The following SLAIN1 variants were observed in gnomAD, a reference collection of about 807,000 sequenced individuals.
SLAIN1 encodes SLAIN family member 1.
A neutral mutation model predicts 55.4 loss-of-function variants in SLAIN1; 17 were observed. That is an observed-to-expected ratio of 0.31 (90% CI 0.21 to 0.46). SLAIN1 has a LOEUF of 0.46. SLAIN1 is among the 20% of genes least tolerant of loss of function. SLAIN1 has a pLI of 1.00. For missense variants in SLAIN1, 682 were observed against 785.1 expected (o/e 0.87, Z 1.57); for synonymous variants, 348 against 337.4 (o/e 1.03, Z -0.35).
chr13:77,742,901 T>G (rs1359794938), intron 2 of SLAIN1: 1 of 505,174 alleles, frequency 2.0e-6, no homozygotes, highest in Non-Finnish European at 2.9e-6. Context: ...AAGATAGTCC[T>G]ATGAAAAGTT....
chr13:77,744,985 G>C (rs1873714312), intron 3 of SLAIN1, among the ~76,000 whole-genome samples: 1 of 152,042 alleles, frequency 6.6e-6, no homozygotes, highest in Non-Finnish European at 1.5e-5. Flanking sequence ...GATCATAAGA[G>C]AGTGCATACT....
At chr13:77,753,749 T>C (rs1874405057) in intron 5 of SLAIN1, among the ~76,000 whole-genome samples, 1 of 152,202 alleles carries the variant, frequency 6.6e-6, no homozygotes, top group African/African-American at 2.4e-5. Context: ...TTGCAGATCC[T>C]CCTCCTTCTA....
At chr13:77,720,840 G>A (rs1354656694) in intron 2 of SLAIN1, among the ~76,000 whole-genome samples, 1 of 152,196 alleles carries the variant, frequency 6.6e-6, no homozygotes, top group African/African-American at 2.4e-5. Context: ...CGGAAGGTGG[G>A]ATGAAAGAAT....
intron 2 of SLAIN1, among the ~76,000 whole-genome samples, chr13:77,742,375 C>A (rs1388110093): frequency 6.6e-6 from 1 of 151,808 alleles, no homozygotes. Flanking sequence ...CACCAATAGT[C>A]TCTGTACCGG....
At chr13:77,708,830 A>G (rs1187798223) in intron 1 of SLAIN1, among the ~76,000 whole-genome samples, 1 of 152,172 alleles carries the variant, frequency 6.6e-6, no homozygotes, top group Non-Finnish European at 1.5e-5. Context: ...AAGGCTGAAA[A>G]TTCCAAAAAC....
At chr13:77,725,541 C>CT (rs1441108806) in intron 2 of SLAIN1, among the ~76,000 whole-genome samples, 1 of 152,158 alleles carries the variant, frequency 6.6e-6, no homozygotes, top group African/African-American at 2.4e-5. Flanking sequence ...TGAGATGCTG[C>CT]TGCTTATGTA....
At chr13:77,713,909 A>G (rs1013659958) in intron 1 of SLAIN1, among the ~76,000 whole-genome samples, 4 of 152,138 alleles carry the variant, frequency 2.6e-5, no homozygotes, top group African/African-American at 9.7e-5. Context: ...ATTCTCAGCA[A>G]ACTAACACAG....
At chr13:77,734,134 C>T (rs568358270) in intron 2 of SLAIN1, among the ~76,000 whole-genome samples, 3 of 152,152 alleles carry the variant, frequency 2.0e-5, no homozygotes, top group East Asian at 1.9e-4. Flanking sequence ...ATAATATCAC[C>T]TAAGAAGTTT....
intron 2 of SLAIN1, among the ~76,000 whole-genome samples, chr13:77,725,576 C>T (rs141241008): frequency 6.6e-6 from 1 of 152,250 alleles, no homozygotes; most frequent in East Asian, 1.9e-4. Context: ...ATTTTCGAAA[C>T]TTGGTTCCTC....
intron 1 of SLAIN1, among the ~76,000 whole-genome samples, chr13:77,716,038 T>C (rs982916970): frequency 7.9e-5 from 12 of 152,092 alleles, no homozygotes; most frequent in Non-Finnish European, 1.8e-4. Context: ...CTTATAAAAG[T>C]GTTACTGTTT....
At chr13:77,742,139 A>C (rs1360456302) in intron 2 of SLAIN1, among the ~76,000 whole-genome samples, 1 of 151,686 alleles carries the variant, frequency 6.6e-6, no homozygotes, top group Non-Finnish European at 1.5e-5. Context: ...AAGGGGTGGT[A>C]ATTTTGGAGG....
At chr13:77,727,212 T>C (rs1037658842) in intron 2 of SLAIN1, among the ~76,000 whole-genome samples, 2 of 152,206 alleles carry the variant, frequency 1.3e-5, no homozygotes, top group African/African-American at 4.8e-5. Context: ...GTCCTAACGA[T>C]GTTTGCTTTC....
At chr13:77,703,690 T>G (rs1255445589) in intron 1 of SLAIN1, among the ~76,000 whole-genome samples, 1 of 151,910 alleles carries the variant, frequency 6.6e-6, no homozygotes, top group African/African-American at 2.4e-5. Flanking sequence ...AGTATTGTAG[T>G]GGCTATCTAG....
chr13:77,757,294 A>G (rs79586208), intron 5 of SLAIN1, among the ~76,000 whole-genome samples: 83 of 152,308 alleles, frequency 5.4e-4, no homozygotes, highest in African/African-American at 1.9e-3. Flanking sequence ...TTGATTAGAA[A>G]GAATCTTAGA....
intron 2 of SLAIN1, among the ~76,000 whole-genome samples, chr13:77,744,048 T>C (rs149919659): frequency 6.6e-6 from 1 of 152,180 alleles, no homozygotes; most frequent in Non-Finnish European, 1.5e-5. Context: ...AAGTATATAG[T>C]ACATGGTGAC....
chr13:77,763,160 A>G lies in SLAIN1; in HGVS notation c.1713A>G (p.Pro571=). The change falls in exon 7 of 7, where the codon CCA becomes CCG. Residue 571 remains proline, a synonymous_variant. Coordinates refer to ENST00000418532, the MANE Select transcript of SLAIN1 (RefSeq NM_001242868.2). ...AQPVRSFLQP[P]KPLSSLSTLR... ...CTCTTTTTAGTTTTCTTCAGCCTCC[A>G]AAGCCTCTGTCTTCACTCAGCACTC... 1 of 1,613,976 alleles carries G rather than the reference A, an allele frequency of 6.2e-7. No individual in the cohort carries two copies. Among genetic ancestry groups the G allele is most frequent in the Non-Finnish European group, 8.5e-7 (1 of 1,179,906 alleles).
Position 77,738,325 on chromosome 13 carries a change from G to T in SLAIN1, c.767-5958G>T, listed in dbSNP as rs1029089576. ...CTTATGAAGATTTAAATAAAAAGTTGGCCAGTTCCACAAGGCAGAACCTGG... is the reference window on the plus strand; with the variant it reads ...CTTATGAAGATTTAAATAAAAAGTTTGCCAGTTCCACAAGGCAGAACCTGG... On this transcript the variant is annotated intron_variant, in intron 2 of 6. Coordinates refer to ENST00000418532, the MANE Select transcript of SLAIN1 (RefSeq NM_001242868.2). 4.0e-5 allele frequency among the ~76,000 whole-genome samples: 6 copies of T among 151,714 alleles called. No individual in the cohort carries two copies. In the South Asian group the frequency reaches 8.3e-4, roughly 21 times the overall value.
At chr13:77,738,504 T>C (rs1873250424) in intron 2 of SLAIN1, among the ~76,000 whole-genome samples, 1 of 152,048 alleles carries the variant, frequency 6.6e-6, no homozygotes, top group Non-Finnish European at 1.5e-5. Flanking sequence ...GTTTGCTAGG[T>C]ATTAAGCCTA....
intron 2 of SLAIN1, among the ~76,000 whole-genome samples, chr13:77,729,197 C>T (rs1023665964): frequency 6.6e-6 from 1 of 152,052 alleles, no homozygotes; most frequent in Non-Finnish European, 1.5e-5. Flanking sequence ...TCCATTATAC[C>T]CTACAACCTG....
Sources: gnomAD v4.1 joint callset for allele counts (sites outside exome capture counted in the v4.1 genomes callset) on GRCh38, gnomAD v4.1.1 for gene constraint, MANE v1.5 for transcripts, NCBI Gene and HGNC (gene_info 2026-07-23, HGNC 2026-07-21) for gene names.